The following HECA variants were observed in gnomAD, a reference collection of about 807,000 sequenced individuals.
HECA encodes the protein headcase protein homolog.
A neutral mutation model predicts 37.6 loss-of-function variants in HECA; 13 were observed. The ratio of observed to expected loss-of-function variants is 0.35; its 90% CI spans 0.23 to 0.55. The LOEUF (loss-of-function observed/expected upper bound fraction) is 0.55, where lower values mean the gene tolerates loss of function less well. HECA is among the 20% of genes least tolerant of loss of function. HECA has a pLI of 0.90. For synonymous variants in HECA, 307 were observed against 291.5 expected (o/e 1.05, Z -0.54); for missense variants, 527 against 701.9 (o/e 0.75, Z 2.82).
At chr6:139,143,859 CAAAAA>C (rs59382752) in intron 1 of HECA, among the ~76,000 whole-genome samples, 1 of 135,474 alleles carries the variant, frequency 7.4e-6, no homozygotes, top group Non-Finnish European at 1.6e-5. Flanking sequence ...GACTCTGTCT[CAAAAA>C]AAAAAAAAAA....
chr6:139,153,903 C>G, intron 1 of HECA, among the ~76,000 whole-genome samples: 1 of 152,098 alleles, frequency 6.6e-6, no homozygotes, highest in East Asian at 1.9e-4. Context: ...TCTGAGATGG[C>G]AGAGTAAGGG....
rs1446280237 is a variant in HECA at position 139,135,590 on chromosome 6, G to A, written c.194G>A (p.Gly65Asp). The change falls in exon 1 of 4, where the codon GGC becomes GAC. Residue 65 changes from glycine to aspartate, a missense_variant. By Grantham distance (94) the Gly-to-Asp change is moderately conservative. Coordinates refer to ENST00000367658, the MANE Select transcript of HECA (RefSeq NM_016217.3). ...AGAPGAGGAA[G>D]AGGAGTGAAN... ...GCGCCGGGCGCCGGAGGCGCGGCGG[G>A]CGCCGGAGGCGCGGGGACTGGCGCC... The A allele has an allele frequency of 1.0e-6, 1 of 962,542 alleles. No homozygotes were observed. Among genetic ancestry groups the A allele is most frequent in the Non-Finnish European group, 1.2e-6 (1 of 813,676 alleles). 59.6% of individuals were successfully genotyped at this position (962,542 alleles called of 1,614,324 possible). A position where few individuals can be genotyped will look rare whatever the true frequency, so the allele number is the denominator to read the frequency against.
intron 1 of HECA, among the ~76,000 whole-genome samples, chr6:139,164,287 G>A (rs1405188527): frequency 6.6e-6 from 1 of 151,966 alleles, no homozygotes; most frequent in Non-Finnish European, 1.5e-5. Context: ...AATCTAAACT[G>A]CTTCATGACC....
At chr6:139,162,950 C>T (rs903109001) in intron 1 of HECA, among the ~76,000 whole-genome samples, 4 of 152,166 alleles carry the variant, frequency 2.6e-5, no homozygotes, top group Non-Finnish European at 4.4e-5. Flanking sequence ...TCTTTCCCTG[C>T]CCTACAGTTA....
chr6:139,157,954 G>C (rs1302425254), intron 1 of HECA, among the ~76,000 whole-genome samples: 1 of 152,180 alleles, frequency 6.6e-6, no homozygotes, highest in African/African-American at 2.4e-5. Flanking sequence ...AAAGGAGGAT[G>C]GATGGCCACT....
rs151317921 is a variant in HECA at position 139,176,148 on chromosome 6, C to G, written c.1468-793C>G. Among the ~76,000 whole-genome samples, 416 of 152,238 alleles carry G rather than the reference C, an allele frequency of 2.7e-3. 2 individuals are homozygous for G. Among genetic ancestry groups the G allele is most frequent in the African/African-American group, 9.3e-3 (386 of 41,536 alleles). On this transcript the variant is annotated intron_variant, in intron 3 of 3. Transcript: ENST00000367658. The surrounding 1 kb of genome is among the most constrained non-coding windows in gnomAD (Gnocchi z 4.5). ...TATCTCAGGTTACAGAAAAGTAGTT[C>G]CTGCAGTGGCTGAGGATCAGCAGGC...
intron 1 of HECA, among the ~76,000 whole-genome samples, chr6:139,164,029 T>C (rs1269280892): frequency 6.6e-6 from 1 of 151,600 alleles, no homozygotes; most frequent in Non-Finnish European, 1.5e-5. Flanking sequence ...CCCACATTGC[T>C]GTCCGTCAGC....
chr6:139,151,288 A>C (rs1203317955), intron 1 of HECA: 2 of 152,236 alleles, frequency 1.3e-5, no homozygotes, highest in Non-Finnish European at 2.9e-5. Context: ...GTGGAAAACA[A>C]AAGAGTGTAA....
chr6:139,165,072 C>G (rs1259524130), intron 1 of HECA, among the ~76,000 whole-genome samples: 1 of 152,148 alleles, frequency 6.6e-6, no homozygotes, highest in Non-Finnish European at 1.5e-5. Flanking sequence ...GTGCTAAACT[C>G]TTTATAAGCA....
At chr6:139,159,001 A>G (rs1170905663) in intron 1 of HECA, among the ~76,000 whole-genome samples, 1 of 152,116 alleles carries the variant, frequency 6.6e-6, no homozygotes, top group African/African-American at 2.4e-5. Flanking sequence ...TGAACCTGGG[A>G]GGCGGAGGTT....
chr6:139,177,167 A>G lies in HECA; in HGVS notation c.*62A>G. Reference sequence around the variant, plus strand: ...ATTATTACTTTATTACATATCTTTTATAGGGAAACATTCTGTGACATTAAT... The same window carrying G: ...ATTATTACTTTATTACATATCTTTTGTAGGGAAACATTCTGTGACATTAAT... On this transcript the variant is annotated 3_prime_UTR_variant, in exon 4 of 4. Coordinates refer to ENST00000367658, the MANE Select transcript of HECA (RefSeq NM_016217.3). The surrounding 1 kb of genome is among the most constrained non-coding windows in gnomAD (Gnocchi z 4.9). 1 of 697,942 alleles carries G rather than the reference A, an allele frequency of 1.4e-6. No homozygotes were observed. Among genetic ancestry groups the G allele is most frequent in the Non-Finnish European group, 2.5e-6 (1 of 404,810 alleles). 43.2% of individuals were successfully genotyped at this position (697,942 alleles called of 1,614,324 possible).
At chr6:139,147,998 A>G (rs1205029826) in intron 1 of HECA, among the ~76,000 whole-genome samples, 1 of 152,222 alleles carries the variant, frequency 6.6e-6, no homozygotes, top group Non-Finnish European at 1.5e-5. Context: ...TGCCAATCAG[A>G]TAGATGAAAA....
chr6:139,149,512 C>A (rs1474922379), intron 1 of HECA, among the ~76,000 whole-genome samples: 1 of 152,152 alleles, frequency 6.6e-6, no homozygotes, highest in Non-Finnish European at 1.5e-5. Context: ...GGCTGCTTCC[C>A]AACCAGTGAT....
At position 139,166,769 on chromosome 6, in the gene HECA, A is replaced by C; in HGVS notation, c.757A>C (p.Lys253Gln). ...CATGGACCGGCAGAACTCCCAGGAGAAGGCAGTGGGTGCCGCAGCCTACGG... is the reference window on the plus strand; with the variant it reads ...CATGGACCGGCAGAACTCCCAGGAGCAGGCAGTGGGTGCCGCAGCCTACGG... Reference protein sequence around the residue: ...HSMDRQNSQEKAVGAAAYGAR... With the variant: ...HSMDRQNSQEQAVGAAAYGAR... Residue 253 changes from lysine (K) to glutamine (Q), a missense_variant, in exon 2 of 4, where the codon AAG becomes CAG. Around this residue, in one of 4 missense-constraint regions of HECA, gnomAD observed 228 missense variants for 259.8 expected, o/e 0.88. Transcript: ENST00000367658. The C allele has an allele frequency of 6.2e-7, 1 of 1,613,778 alleles. No individual in the cohort carries two copies. The highest frequency in any genetic ancestry group is 1.7e-4 in the Middle Eastern group (1 of 6,060).
chr6:139,155,457 C>T (rs1329808868), intron 1 of HECA: 4 of 152,250 alleles, frequency 2.6e-5, no homozygotes, highest in East Asian at 3.9e-4. Flanking sequence ...TATACTAGGA[C>T]GTCACTAGGC....
intron 1 of HECA, among the ~76,000 whole-genome samples, chr6:139,145,603 GA>G (rs1774576058): frequency 6.6e-6 from 1 of 152,164 alleles, no homozygotes; most frequent in East Asian, 1.9e-4. Flanking sequence ...TAGGCTTAGT[GA>G]TTGAGGGTCT....
intron 1 of HECA, among the ~76,000 whole-genome samples, chr6:139,136,556 G>T (rs1390847753): frequency 6.6e-6 from 1 of 151,790 alleles, no homozygotes; most frequent in Non-Finnish European, 1.5e-5. Flanking sequence ...AATGAAGGGA[G>T]ATTTGAATTG....
chr6:139,143,564 T>C (rs1012897054), intron 1 of HECA, among the ~76,000 whole-genome samples: 1 of 152,114 alleles, frequency 6.6e-6, no homozygotes, highest in Non-Finnish European at 1.5e-5. Flanking sequence ...ACATCTTCCT[T>C]ATATAGAAAT....
chr6:139,151,650 C>T (rs1774652133), intron 1 of HECA, among the ~76,000 whole-genome samples: 1 of 152,122 alleles, frequency 6.6e-6, no homozygotes, highest in African/African-American at 2.4e-5. Flanking sequence ...GTCAGGAAAC[C>T]TTTATACTGT....
Sources: gnomAD v4.1 joint callset for allele counts (sites outside exome capture counted in the v4.1 genomes callset) on GRCh38, gnomAD v4.1.1 for gene constraint, gnomAD v4.1.1 regional missense constraint, Gnocchi (gnomAD v3.1) non-coding constraint, MANE v1.5 for transcripts, NCBI Gene and HGNC (gene_info 2026-07-23, HGNC 2026-07-21) for gene names.